The following TPO variants were observed in gnomAD, a reference collection of about 807,000 sequenced individuals.
The protein encoded by TPO is thyroid peroxidase.
TPO carries 78 observed loss-of-function variants against 96.9 expected under a neutral mutation model. That is an observed-to-expected ratio of 0.81 (90% CI 0.67 to 0.97). The LOEUF is 0.97. Ranked by LOEUF, TPO falls within the 50% of genes least tolerant of loss-of-function variation. TPO has a pLI of 0.00. For synonymous variants in TPO, 547 were observed against 538.0 expected (o/e 1.02, Z -0.23); for missense variants, 1,252 against 1,274.8 (o/e 0.98, Z 0.27).
chr2:1,525,236 A>G (rs539622083), intron 15 of TPO, among the ~76,000 whole-genome samples: 3 of 128,182 alleles, frequency 2.3e-5, no homozygotes, highest in African/African-American at 9.0e-5. Flanking sequence ...ACTGTGTGCA[A>G]CCTCCCCAAA....
At chr2:1,507,975 GA>G (rs1467530888) in intron 14 of TPO, among the ~76,000 whole-genome samples, 10 of 152,154 alleles carry the variant, frequency 6.6e-5, no homozygotes, top group African/African-American at 1.9e-4. Context: ...TTTTCAAAGG[GA>G]ATGCTTCCAG....
intron 3 of TPO, 86 bp downstream of exon 3, chr2:1,423,215 G>A (rs1663969151): frequency 3.1e-6 from 4 of 1,289,026 alleles, no homozygotes; most frequent in Admixed American, 1.9e-5. Context: ...CCTGATTTTC[G>A]CAATTGCAGA....
At chr2:1,494,576 A>G (rs1398745528) in intron 11 of TPO, among the ~76,000 whole-genome samples, 1 of 151,710 alleles carries the variant, frequency 6.6e-6, no homozygotes, top group East Asian at 1.9e-4. Flanking sequence ...CTCAAGTTCA[A>G]CCTAGAATTT....
At chr2:1,408,192 G>A (rs1662274687) in intron 1 of TPO, among the ~76,000 whole-genome samples, 1 of 152,190 alleles carries the variant, frequency 6.6e-6, no homozygotes, top group South Asian at 2.1e-4. Flanking sequence ...GAGGCCTGGT[G>A]CTGGATATCG....
At chr2:1,442,554 C>A (rs1169884138) in intron 5 of TPO, among the ~76,000 whole-genome samples, 1 of 151,994 alleles carries the variant, frequency 6.6e-6, no homozygotes, top group Non-Finnish European at 1.5e-5. Context: ...TAGAATTTGC[C>A]TTCAGTTTTA....
intron 7 of TPO, among the ~76,000 whole-genome samples, chr2:1,463,125 T>A (rs966347014): frequency 6.6e-6 from 1 of 152,136 alleles, no homozygotes; most frequent in Non-Finnish European, 1.5e-5. Context: ...TGCCCGTGGG[T>A]GAGAACGTGG....
In TPO at chr2:1,535,373, C is replaced by G. The variant is rs1344859431; in HGVS notation, c.2619-5221C>G. Among the ~76,000 whole-genome samples the G allele has an allele frequency of 6.1e-5, 5 of 82,480 alleles. 2 individuals are homozygous for G. Among genetic ancestry groups the G allele is most frequent in the Non-Finnish European group, 1.3e-4 (5 of 39,774 alleles). 54.1% of individuals were successfully genotyped at this position (82,480 alleles called of 152,430 possible). ...CTCAAATCCCCCCACTGTGTGCAAC[C>G]TCCTCAAATCTCCCCACTGTGAGCA... On this transcript the variant is annotated intron_variant, in intron 15 of 16. Coordinates refer to ENST00000329066, the MANE Select transcript of TPO (RefSeq NM_001206744.2).
chr2:1,396,389 T>C (rs1057358359), intron 1 of TPO, among the ~76,000 whole-genome samples: 2 of 152,198 alleles, frequency 1.3e-5, no homozygotes, highest in East Asian at 1.9e-4. Flanking sequence ...AGCTCTGAGA[T>C]TGGCAGAAGT....
Position 1,477,339 on chromosome 2 carries a change from A to C in TPO, c.1073A>C (p.Asp358Ala). ...CTCCGCGTCCACGCGCGCCTCCGGG[A>C]CTCCGGCCGCGCCTACCTGCCCTTC... is the stretch of plus-strand genomic sequence containing the variant. ...GLLRVHARLR[D>A]SGRAYLPFVP... The change falls in exon 8 of 17, where the codon GAC becomes GCC. Residue 358 changes from aspartate (D) to alanine (A), a missense_variant. Physicochemically the swap from Asp to Ala is moderately radical, Grantham distance 126 (BLOSUM62 -2). Coordinates refer to ENST00000329066, the MANE Select transcript of TPO (RefSeq NM_001206744.2). 1 of 1,556,290 alleles carries C rather than the reference A, an allele frequency of 6.4e-7. No homozygotes were observed.
At chr2:1,403,806 G>A (rs1662206840) in intron 1 of TPO, among the ~76,000 whole-genome samples, 1 of 152,162 alleles carries the variant, frequency 6.6e-6, no homozygotes, top group African/African-American at 2.4e-5. Flanking sequence ...TAGTGGGAGT[G>A]GTGTGACCAG....
At chr2:1,524,099 C>G (rs937009012) in intron 15 of TPO, among the ~76,000 whole-genome samples, 1 of 140,584 alleles carries the variant, frequency 7.1e-6, no homozygotes, top group Admixed American at 7.3e-5. Flanking sequence ...TCACCAAATT[C>G]CCCCCACTCC....
chr2:1,428,477 A>C (rs1289410842), intron 3 of TPO, among the ~76,000 whole-genome samples: 3 of 152,086 alleles, frequency 2.0e-5, no homozygotes, highest in Non-Finnish European at 4.4e-5. Context: ...TGGCCTGGGG[A>C]CCTATCCGGG....
chr2:1,385,453 G>A lies in TPO; in HGVS notation n.180+11051G>A, dbSNP rs188866153. Among the ~76,000 whole-genome samples, 8 of 152,130 alleles carry A rather than the reference G, an allele frequency of 5.3e-5. No individual in the cohort carries two copies. In the East Asian group the frequency reaches 1.4e-3, roughly 26 times the overall value. ...TTAGTCTTGGGAGAATGTGTGTGTC[G>A]AGTAATTTATCAATTTCTTCTAGAT... is the stretch of plus-strand genomic sequence containing the variant. On this transcript the variant is annotated intron_variant and non_coding_transcript_variant, in intron 1 of 5. Coordinates refer to the TPO transcript ENST00000497517.
chr2:1,524,898 A>ACAACCTCCTCAAATCTCCCCCGCTGTGTG (rs1676069594), intron 15 of TPO, among the ~76,000 whole-genome samples: 1 of 101,650 alleles, frequency 9.8e-6, no homozygotes. Flanking sequence ...CCCGCACTGT[A>ACAACCTCCTCAAATCTCCCCCGCTGTGTG]CAACCTCCTC....
At chr2:1,542,353 C>G in intron 16 of TPO, 68 bp from the exon 17 acceptor site, 1 of 1,596,044 alleles carries the variant, frequency 6.3e-7, no homozygotes, top group Admixed American at 1.7e-5. Flanking sequence ...TGTCTTGTAT[C>G]AAGTGTGTGC....
chr2:1,414,494 T>A lies in TPO; in HGVS notation c.86T>A (p.Leu29His). The change falls in exon 2 of 17, where the codon CTC becomes CAC. Residue 29 changes from leucine to histidine, a missense_variant. Transcript: ENST00000329066. ...FFPFISRGKE[L>H]LWGKPEESRV... is the part of the protein sequence containing the mutation. ...CCCTTCATCTCGAGAGGGAAAGAAC[T>A]CCTTTGGGGTAAGTAGCAAACACAT... 6.2e-7 allele frequency: 1 copy of A among 1,613,960 alleles called. No homozygotes were observed. Among genetic ancestry groups the A allele is most frequent in the Non-Finnish European group, 8.5e-7 (1 of 1,179,948 alleles).
At chr2:1,534,558 TCTGTGCAACTTCCCCAAATCCGCCCACA>T (rs752490265) in intron 15 of TPO, among the ~76,000 whole-genome samples, 4,213 of 68,806 alleles carry the variant, frequency 0.061, 477 homozygotes, top group South Asian at 0.18. Context: ...TCCCTACCAC[TCTGTGCAACTTCCCCAAATCCGCCCACA>T]CTGTGCAACC....
At position 1,441,684 on chromosome 2, in the gene TPO, G is replaced by A. The variant is rs1445145230; in HGVS notation, c.482+5300G>A. On this transcript the variant is annotated intron_variant, in intron 5 of 16. Transcript: ENST00000329066. ...TGTTTTTATAGAAGTCTAGGAGCTG[G>A]GGGGTAGGAGGTGGGTGTGGGCAGG... 3.3e-5 allele frequency among the ~76,000 whole-genome samples: 5 copies of A among 152,246 alleles called. No individual in the cohort carries two copies. In the South Asian group the frequency reaches 8.3e-4, roughly 25 times the overall value.
At chr2:1,396,929 C>T (rs1662090580) in intron 1 of TPO, among the ~76,000 whole-genome samples, 1 of 152,158 alleles carries the variant, frequency 6.6e-6, no homozygotes, top group Non-Finnish European at 1.5e-5. Flanking sequence ...AGAACTTGGA[C>T]TCAATGTTTC....
Sources: gnomAD v4.1 joint callset for allele counts (sites outside exome capture counted in the v4.1 genomes callset) on GRCh38, gnomAD v4.1.1 for gene constraint, MANE v1.5 for transcripts, NCBI Gene and HGNC (gene_info 2026-07-23, HGNC 2026-07-21) for gene names.